The following ESRRG variants were observed in gnomAD, a reference collection of about 807,000 sequenced individuals.
The protein encoded by ESRRG is estrogen related receptor gamma.
ESRRG carries 13 observed loss-of-function variants against 44.0 expected under a neutral mutation model. That is an observed-to-expected ratio of 0.30 (90% confidence interval 0.19 to 0.47). The LOEUF is 0.47. Among genes scored for constraint, ESRRG ranks in the 20% least tolerant of loss-of-function variants. The pLI is 1.00. For synonymous variants in ESRRG, 215 were observed against 214.6 expected (o/e 1.00, Z -0.02); for missense variants, 395 against 580.6 (o/e 0.68, Z 3.29).
intron 2 of ESRRG, among the ~76,000 whole-genome samples, chr1:216,811,538 G>A (rs1038872279): frequency 2.3e-4 from 35 of 152,106 alleles, no homozygotes; most frequent in African/African-American, 7.2e-4. Context: ...TGAAGAAGAC[G>A]GATGACAATC....
chr1:216,674,559 G>A (rs2075760726), intron 2 of ESRRG, among the ~76,000 whole-genome samples: 1 of 150,878 alleles, frequency 6.6e-6, no homozygotes, highest in Admixed American at 6.6e-5. Context: ...TTAGGATTAA[G>A]TATCTCATCT....
chr1:216,517,072 G>A (rs995579958), intron 6 of ESRRG, among the ~76,000 whole-genome samples: 7 of 152,070 alleles, frequency 4.6e-5, no homozygotes, highest in African/African-American at 7.2e-5. Context: ...ATTTTTCTCC[G>A]TATTGAGGGG....
chr1:216,574,031 T>C (rs1436341798), intron 3 of ESRRG, among the ~76,000 whole-genome samples: 1 of 151,994 alleles, frequency 6.6e-6, no homozygotes, highest in Non-Finnish European at 1.5e-5. Context: ...ACAATTTCTG[T>C]TTGGACTCCA....
chr1:216,769,285 G>T (rs189433637), intron 2 of ESRRG, among the ~76,000 whole-genome samples: 2 of 152,154 alleles, frequency 1.3e-5, no homozygotes, highest in Non-Finnish European at 2.9e-5. Context: ...AGAGTGATCA[G>T]GGATTGCTTC....
At position 217,081,961 on chromosome 1, in the gene ESRRG, A is replaced by G. The variant is rs561047194; in HGVS notation, c.-106+7546T>C. Among the ~76,000 whole-genome samples, 4 of 152,322 alleles carry G rather than the reference A, an allele frequency of 2.6e-5. No homozygotes were observed. In the East Asian group the frequency reaches 7.7e-4, roughly 29 times the overall value. On this transcript the variant is annotated intron_variant, in intron 1 of 7. Transcript: ENST00000359162. ...TACTGAATACATTTTTTTTGTTTCC[A>G]AAGTCAGTCACTTGTTTGTTTAGAC...
intron 1 of ESRRG, among the ~76,000 whole-genome samples, chr1:217,042,506 A>G (rs1049883684): frequency 1.6e-5 from 2 of 124,084 alleles, no homozygotes; most frequent in African/African-American, 3.1e-5. Flanking sequence ...ACACACACAC[A>G]CACACACACT....
chr1:216,686,174 T>G (rs573832686), intron 1 of ESRRG: 2 of 152,232 alleles, frequency 1.3e-5, no homozygotes, highest in South Asian at 4.1e-4. Flanking sequence ...ATTGTTGGTA[T>G]CAGGTGTTGT....
Position 216,527,293 on chromosome 1 carries a change from C to T in ESRRG, c.863-7872G>A, listed in dbSNP as rs149086530. Reference sequence around the variant, plus strand: ...CAGTTTTGGTTAGGCCTTCATCATCCTTTTGGGGTAAATTTTAACAGCATC... The same window carrying T: ...CAGTTTTGGTTAGGCCTTCATCATCTTTTTGGGGTAAATTTTAACAGCATC... On this transcript the variant is annotated intron_variant, in intron 5 of 6. Coordinates refer to ENST00000408911, the MANE Select transcript of ESRRG (RefSeq NM_001438.4). Among the ~76,000 whole-genome samples, 412 of 152,238 alleles carry T rather than the reference C, an allele frequency of 2.7e-3. 1 individual carries two copies. The highest frequency in any genetic ancestry group is 9.4e-3 in the African/African-American group (389 of 41,548).
At chr1:217,117,318 G>C (rs949205124) in intron 1 of ESRRG, among the ~76,000 whole-genome samples, 8 of 152,150 alleles carry the variant, frequency 5.3e-5, no homozygotes, top group Admixed American at 2.6e-4. Flanking sequence ...CAGCCATGGT[G>C]GTTCATACCT....
intron 1 of ESRRG, among the ~76,000 whole-genome samples, chr1:217,136,508 G>C (rs2093051958): frequency 6.6e-6 from 1 of 152,186 alleles, no homozygotes; most frequent in Admixed American, 6.5e-5. Flanking sequence ...GCGTAAGCCT[G>C]AGCTGCGAGA....
Position 217,054,339 on chromosome 1 carries a change from G to C in ESRRG, c.-106+35168C>G, listed in dbSNP as rs548673547. 2.0e-5 allele frequency among the ~76,000 whole-genome samples: 3 copies of C among 152,178 alleles called. No homozygotes were observed. In the East Asian group the frequency reaches 5.8e-4, roughly 29 times the overall value. Reference sequence around the variant, plus strand: ...AGAAACCACACACTTCTCCAAGTAAGAGGCACATTTTATTTGCCTTCCTAT... The same window carrying C: ...AGAAACCACACACTTCTCCAAGTAACAGGCACATTTTATTTGCCTTCCTAT... On this transcript the variant is annotated intron_variant, in intron 1 of 7. Transcript: ENST00000359162.
intron 1 of ESRRG, among the ~76,000 whole-genome samples, chr1:216,998,075 G>A (rs374978172): frequency 2.0e-5 from 3 of 152,034 alleles, no homozygotes; most frequent in African/African-American, 7.2e-5. Flanking sequence ...TGCTTCTTCT[G>A]CACCTTGGTG....
chr1:216,869,584 A>G (rs1442502331), intron 2 of ESRRG, among the ~76,000 whole-genome samples: 1 of 152,112 alleles, frequency 6.6e-6, no homozygotes, highest in East Asian at 1.9e-4. Context: ...CCACAAGAAC[A>G]TCCGCCTAGG....
intron 1 of ESRRG, among the ~76,000 whole-genome samples, chr1:217,108,045 AT>A (rs1179963956): frequency 6.6e-6 from 1 of 152,128 alleles, no homozygotes; most frequent in Non-Finnish European, 1.5e-5. Context: ...AACCTACCAA[AT>A]TAAAAACAAA....
rs568077984 is a variant in ESRRG, at chr1:217,025,176, A to T, written c.-106+64331T>A. Among the ~76,000 whole-genome samples the T allele has an allele frequency of 3.3e-5, 5 of 152,298 alleles. No individual in the cohort carries two copies. In the South Asian group the frequency reaches 1.0e-3, roughly 32 times the overall value. ...ATCAGGTTAAAAAACGTATTTAGAAATCTAGGGAATCAGGAAAAGGCATCC... is the reference window on the plus strand; with the variant it reads ...ATCAGGTTAAAAAACGTATTTAGAATTCTAGGGAATCAGGAAAAGGCATCC... On this transcript the variant is annotated intron_variant, in intron 1 of 7. Coordinates refer to the ESRRG transcript ENST00000359162.
In ESRRG at chr1:216,805,667, C is replaced by T. The variant is rs180721431; in HGVS notation, c.-13-128176G>A. On this transcript the variant is annotated intron_variant, in intron 2 of 7. Coordinates refer to the ESRRG transcript ENST00000359162. ...CAAACTGAAAGGCATTTGCCGTGCT[C>T]AAGTGTTAGGCTTCCGCAGTGACAA... 1.6e-4 allele frequency among the ~76,000 whole-genome samples: 24 copies of T among 151,618 alleles called. No individual in the cohort carries two copies. In the East Asian group the frequency reaches 3.9e-3, roughly 25 times the overall value.
chr1:216,642,135 A>T (rs2066556428), intron 3 of ESRRG, among the ~76,000 whole-genome samples: 1 of 152,178 alleles, frequency 6.6e-6, no homozygotes. Flanking sequence ...AGGCAGTAGA[A>T]TCAAAATACC....
chr1:216,672,269 A>C (rs963899469), intron 2 of ESRRG, among the ~76,000 whole-genome samples: 2 of 152,236 alleles, frequency 1.3e-5, no homozygotes, highest in African/African-American at 4.8e-5. Flanking sequence ...CAAAAACAAA[A>C]ACAAAACAGC....
chr1:216,570,792 T>C (rs1488622991), intron 3 of ESRRG, among the ~76,000 whole-genome samples: 1 of 152,168 alleles, frequency 6.6e-6, no homozygotes, highest in Non-Finnish European at 1.5e-5. Context: ...ACTAAAATTG[T>C]TAGAGCCAAG....
Sources: gnomAD v4.1 joint callset for allele counts (sites outside exome capture counted in the v4.1 genomes callset) on GRCh38, gnomAD v4.1.1 for gene constraint, MANE v1.5 for transcripts, NCBI Gene and HGNC (gene_info 2026-07-23, HGNC 2026-07-21) for gene names.